The following CCAR1 variants were observed in gnomAD, a reference collection of about 807,000 sequenced individuals.
CCAR1 encodes the protein cell division cycle and apoptosis regulator 1.
CCAR1 carries 78 observed loss-of-function variants against 163.8 expected under a neutral mutation model. The ratio of observed to expected loss-of-function variants is 0.48; its 90% CI spans 0.40 to 0.57. The LOEUF (loss-of-function observed/expected upper bound fraction) is 0.57, where lower values mean the gene tolerates loss of function less well. Ranked by LOEUF, CCAR1 falls within the 20% of genes least tolerant of loss-of-function variation. The pLI, the probability that CCAR1 is intolerant of heterozygous loss-of-function variation, is 0.00. For missense variants in CCAR1, 1,019 were observed against 1,365.2 expected (o/e 0.75, Z 4.00); for synonymous variants, 443 against 460.7 (o/e 0.96, Z 0.49).
intron 10 of CCAR1, among the ~76,000 whole-genome samples, chr10:68,749,933 A>G (rs1589165603): frequency 6.6e-6 from 1 of 152,298 alleles, no homozygotes; most frequent in East Asian, 1.9e-4. Context: ...TCATAACGTT[A>G]TTCCCCTAAA....
chr10:68,755,494 G>C lies in CCAR1; in HGVS notation c.1583G>C (p.Cys528Ser). Reference protein sequence around the residue: ...SVLIKTAIRCCKALTGIDLSV... With the variant: ...SVLIKTAIRCSKALTGIDLSV... ...TTGATTAAGACTGCTATTCGTTGTT[G>C]TAAGGCTCTGACAGGCATTGATCTA... Residue 528 changes from cysteine (C) to serine (S), a missense_variant, in exon 13 of 25, where the codon TGT becomes TCT. By Grantham distance (112) the Cys-to-Ser change is moderately radical. Around this residue, in one of 4 missense-constraint regions of CCAR1, gnomAD observed 644 missense variants for 904.4 expected, o/e 0.71. Coordinates refer to ENST00000265872, the MANE Select transcript of CCAR1 (RefSeq NM_018237.4). 6.2e-7 allele frequency: 1 copy of C among 1,614,172 alleles called. No homozygotes were observed. The highest frequency in any genetic ancestry group is 1.3e-5 in the African/African-American group (1 of 75,068).
intron 6 of CCAR1, 26 bp from the exon 7 acceptor site, chr10:68,747,135 C>CTT: frequency 8.4e-7 from 1 of 1,194,966 alleles, no homozygotes; most frequent in Non-Finnish European, 1.2e-6. Context: ...TTATATTTAA[C>CTT]TTTTTTTTTC....
At chr10:68,768,185 T>C (rs908335396) in intron 17 of CCAR1, among the ~76,000 whole-genome samples, 2 of 152,224 alleles carry the variant, frequency 1.3e-5, no homozygotes, top group African/African-American at 4.8e-5. Flanking sequence ...TCCATGCTTA[T>C]TGGTGTTTAA....
chr10:68,730,489 C>T (rs916112700), intron 2 of CCAR1, among the ~76,000 whole-genome samples: 4 of 151,894 alleles, frequency 2.6e-5, no homozygotes, highest in African/African-American at 4.8e-5. Context: ...AGGCGCGTGC[C>T]ACCATGCCCC....
At chr10:68,724,982 T>C (rs2055919988) in intron 2 of CCAR1, among the ~76,000 whole-genome samples, 1 of 151,762 alleles carries the variant, frequency 6.6e-6, no homozygotes, top group Non-Finnish European at 1.5e-5. Flanking sequence ...CTACTAAAAA[T>C]ACAAAGGTAG....
At chr10:68,752,882 GAATA>G (rs764527171) in intron 10 of CCAR1, among the ~76,000 whole-genome samples, 2 of 125,064 alleles carry the variant, frequency 1.6e-5, no homozygotes, top group Non-Finnish European at 3.4e-5. Flanking sequence ...AGATAGGATA[GAATA>G]GATAGATAGA....
intron 3 of CCAR1, 23 bp from the exon 4 acceptor site, chr10:68,737,822 A>G (rs1420273752): frequency 3.2e-6 from 5 of 1,538,966 alleles, no homozygotes; most frequent in Non-Finnish European, 4.4e-6. Flanking sequence ...TTTTCTTTGA[A>G]AAATTTTTTT....
chr10:68,773,649 G>C (rs1177270076), intron 19 of CCAR1, among the ~76,000 whole-genome samples: 2 of 151,784 alleles, frequency 1.3e-5, no homozygotes, highest in Non-Finnish European at 2.9e-5. Context: ...CTGGGCAATA[G>C]AGTGAGACCC....
chr10:68,738,601 T>G (rs1270153420), intron 4 of CCAR1, among the ~76,000 whole-genome samples: 1 of 152,102 alleles, frequency 6.6e-6, no homozygotes, highest in Non-Finnish European at 1.5e-5. Flanking sequence ...CTTTTATTTT[T>G]TTTTCTTTAT....
intron 10 of CCAR1, among the ~76,000 whole-genome samples, chr10:68,752,683 CAT>C (rs1226099348): frequency 2.0e-5 from 3 of 152,108 alleles, no homozygotes; most frequent in Non-Finnish European, 2.9e-5. Flanking sequence ...CCAGCCTAGG[CAT>C]ATAGTGAGAC....
intron 2 of CCAR1, among the ~76,000 whole-genome samples, chr10:68,734,744 A>G (rs558534239): frequency 6.6e-6 from 1 of 151,976 alleles, no homozygotes; most frequent in African/African-American, 2.4e-5. Context: ...CATTTTTTTC[A>G]AAATTTATTG....
intron 19 of CCAR1, among the ~76,000 whole-genome samples, chr10:68,780,967 C>G (rs1200145944): frequency 2.0e-5 from 3 of 152,168 alleles, no homozygotes; most frequent in African/African-American, 4.8e-5. Flanking sequence ...CACGGTGGCT[C>G]ACGCTTGTAA....
chr10:68,758,055 AAAATAGAATAT>A (rs2056418039), intron 15 of CCAR1, among the ~76,000 whole-genome samples: 1 of 151,998 alleles, frequency 6.6e-6, no homozygotes, highest in Admixed American at 6.6e-5. Context: ...TTTGGTTTTT[AAAATAGAATAT>A]TTTTTTGAGA....
rs762727611 is a variant in CCAR1 at position 68,752,061 on chromosome 10, C to T, written c.1119-1791C>T. Among the ~76,000 whole-genome samples, 20 of 150,816 alleles carry T rather than the reference C, an allele frequency of 1.3e-4. No homozygotes were observed. In the Middle Eastern group the frequency reaches 0.01, roughly 77 times the overall value. On this transcript the variant is annotated intron_variant, in intron 10 of 24. Coordinates refer to ENST00000265872, the MANE Select transcript of CCAR1 (RefSeq NM_018237.4). Reference sequence around the variant, plus strand: ...CCTCCCGAGTAGCTGGGACTACAGGCGCCCGCTACCACGCCCAGCTAATTT... The same window carrying T: ...CCTCCCGAGTAGCTGGGACTACAGGTGCCCGCTACCACGCCCAGCTAATTT...
At chr10:68,769,696 C>A (rs372616040) in intron 17 of CCAR1, among the ~76,000 whole-genome samples, 1 of 151,768 alleles carries the variant, frequency 6.6e-6, no homozygotes, top group Non-Finnish European at 1.5e-5. Context: ...AATCCTAGCA[C>A]TTTGAGAGGC....
At chr10:68,754,620 C>G (rs1017058745) in intron 11 of CCAR1, 94 bp from the exon 12 acceptor site, 1 of 644,360 alleles carries the variant, frequency 1.6e-6, no homozygotes, top group Non-Finnish European at 2.7e-6. Flanking sequence ...ATTTAAATTT[C>G]AGACATCTTA....
intron 2 of CCAR1, among the ~76,000 whole-genome samples, chr10:68,729,784 A>G (rs570779365): frequency 1.4e-4 from 21 of 151,670 alleles, no homozygotes; most frequent in African/African-American, 4.6e-4. Flanking sequence ...TTTCTTTTTT[A>G]TAGTGGGGTC....
At chr10:68,724,420 G>A (rs906399017) in intron 2 of CCAR1, among the ~76,000 whole-genome samples, 2 of 152,024 alleles carry the variant, frequency 1.3e-5, no homozygotes, top group Non-Finnish European at 2.9e-5. Context: ...AGCTGATATC[G>A]CAACGCTACA....
Position 68,746,420 on chromosome 10 carries a change from G to C in CCAR1, c.519-741G>C, listed in dbSNP as rs148535323. Among the ~76,000 whole-genome samples, 20 of 152,128 alleles carry C rather than the reference G, an allele frequency of 1.3e-4. No homozygotes were observed. In the East Asian group the frequency reaches 3.1e-3, roughly 23 times the overall value. ...AATTTTTGTATTTTTAGTAGAGATG[G>C]GGTTTCACCGCATTGGTCAGGCTGG... On this transcript the variant is annotated intron_variant, in intron 6 of 24. Coordinates refer to ENST00000265872, the MANE Select transcript of CCAR1 (RefSeq NM_018237.4).
Sources: allele counts gnomAD v4.1 joint callset (sites outside exome capture counted in the v4.1 genomes callset), GRCh38; gene constraint gnomAD v4.1.1; regional missense constraint gnomAD v4.1.1; transcripts MANE v1.5; gene names NCBI Gene and HGNC (gene_info 2026-07-23, HGNC 2026-07-21).